The following RNF144B variants were observed in gnomAD, a reference collection of about 807,000 sequenced individuals.
The protein encoded by RNF144B is ring finger protein 144B.
Under a neutral mutation model 40.2 loss-of-function variants are expected in RNF144B, and 25 were observed. The ratio of observed to expected loss-of-function variants is 0.62; its 90% CI spans 0.45 to 0.87. The LOEUF is 0.87. Among genes scored for constraint, RNF144B ranks in the 40% least tolerant of loss-of-function variants. The probability of loss-of-function intolerance (pLI) is 0.00; values close to 1 mark genes in which losing one functional copy is unlikely to be tolerated. For synonymous variants in RNF144B, 145 were observed against 136.3 expected (o/e 1.06, Z -0.44); for missense variants, 365 against 373.7 (o/e 0.98, Z 0.19).
Position 18,465,930 on chromosome 6 carries a change from C to CAGCCAATAGATTTGGA in RNF144B, c.*864_*865insGCCAATAGATTTGGAA, listed in dbSNP as rs1307434207. On this transcript the variant is annotated 3_prime_UTR_variant, in exon 8 of 8. Transcript: ENST00000259939. Reference sequence around the variant, plus strand: ...TGGGACCTTTCTCAGGATCTGTGTTCACACAGCCAATAGATTTGGAATCAG... The same window carrying CAGCCAATAGATTTGGA: ...TGGGACCTTTCTCAGGATCTGTGTTCAGCCAATAGATTTGGAACACAGCCAATAGATTTGGAATCAG... 1 of 152,224 alleles carries CAGCCAATAGATTTGGA rather than the reference C, an allele frequency of 6.6e-6. No individual in the cohort carries two copies. Among genetic ancestry groups the CAGCCAATAGATTTGGA allele is most frequent in the Non-Finnish European group, 1.5e-5 (1 of 68,056 alleles). The allele number at this position is 152,224 out of a possible 1,614,324, so 9.4% of individuals were successfully genotyped here.
In RNF144B at chr6:18,466,524, T is replaced by C. The variant is rs1170188273; in HGVS notation, c.*1457T>C. 1 of 152,652 alleles carries C rather than the reference T, an allele frequency of 6.6e-6. No individual in the cohort carries two copies. Among genetic ancestry groups the C allele is most frequent in the Non-Finnish European group, 1.5e-5 (1 of 68,038 alleles). 9.5% of individuals were successfully genotyped at this position (152,652 alleles called of 1,614,324 possible). On this transcript the variant is annotated 3_prime_UTR_variant, in exon 8 of 8. Coordinates refer to ENST00000259939, the MANE Select transcript of RNF144B (RefSeq NM_182757.4). ...CATTAGTCAGATTTGAATAACGAGGTTTTGAAAGGATAAAACCTTTTCTCC... is the reference window on the plus strand; with the variant it reads ...CATTAGTCAGATTTGAATAACGAGGCTTTGAAAGGATAAAACCTTTTCTCC...
chr6:18,399,016 C>T (rs1430817826), intron 1 of RNF144B, among the ~76,000 whole-genome samples: 3 of 152,142 alleles, frequency 2.0e-5, no homozygotes, highest in African/African-American at 7.2e-5. Context: ...TGATGTTTTG[C>T]TCTATGTATA....
rs1045763791 is a variant in RNF144B at position 18,395,603 on chromosome 6, C to G, written c.-36-3896C>G. Among the ~76,000 whole-genome samples, 1 of 150,650 alleles carries G rather than the reference C, an allele frequency of 6.6e-6. No individual in the cohort carries two copies. The highest frequency in any genetic ancestry group is 1.5e-5 in the Non-Finnish European group (1 of 67,812). On this transcript the variant is annotated intron_variant, in intron 1 of 7. Transcript: ENST00000259939. This position sits in a 1 kb window ranked among gnomAD's most constrained non-coding sequence, Gnocchi z 4.5. ...CTTTTTTTTTTTTAAATGAAGTGCT[C>G]ACTGCATTTCATTCATTTTTTTAAC...
rs1352181956 is a variant in RNF144B at position 18,425,177 on chromosome 6, A to G, written c.166-2404A>G. ...CTAAGTCATTTTCCCATTGTCACCT[A>G]GTAAAGTGGACCCTCCACCCAGGTG... On this transcript the variant is annotated intron_variant, in intron 2 of 7. Transcript: ENST00000259939. This position sits in a 1 kb window ranked among gnomAD's most constrained non-coding sequence, Gnocchi z 4.2. 1.3e-5 allele frequency among the ~76,000 whole-genome samples: 2 copies of G among 152,188 alleles called. No homozygotes were observed. Among genetic ancestry groups the G allele is most frequent in the African/African-American group, 4.8e-5 (2 of 41,440 alleles).
chr6:18,454,155 G>C (rs552747022), intron 4 of RNF144B, among the ~76,000 whole-genome samples: 1 of 152,236 alleles, frequency 6.6e-6, no homozygotes. Context: ...GGGTTCAAAG[G>C]CAGAAAAACA....
chr6:18,434,001 G>T lies in RNF144B; in HGVS notation c.271-5683G>T, dbSNP rs1758758088. 1.3e-5 allele frequency among the ~76,000 whole-genome samples: 2 copies of T among 152,258 alleles called. No individual in the cohort carries two copies. The highest frequency in any genetic ancestry group is 4.8e-5 in the African/African-American group (2 of 41,534). On this transcript the variant is annotated intron_variant, in intron 3 of 7. Transcript: ENST00000259939. This position sits in a 1 kb window ranked among gnomAD's most constrained non-coding sequence, Gnocchi z 4.1. ...TGCCCAAACCTTGACAGGTTGTAAT[G>T]ATCCACTTACTAGTGGTCAATTCCA...
At chr6:18,435,616 A>T (rs1263557974) in intron 3 of RNF144B, among the ~76,000 whole-genome samples, 1 of 152,196 alleles carries the variant, frequency 6.6e-6, no homozygotes, top group Non-Finnish European at 1.5e-5. Flanking sequence ...CTACAAGGTA[A>T]TTGTTAATTC....
intron 3 of RNF144B, among the ~76,000 whole-genome samples, chr6:18,429,684 G>T (rs959363734): frequency 2.2e-4 from 34 of 152,164 alleles, no homozygotes; most frequent in Non-Finnish European, 1.5e-4. Flanking sequence ...GAATATTGTT[G>T]ATCTGTGTCA....
At chr6:18,407,995 T>TTG (rs1363790924) in intron 2 of RNF144B, among the ~76,000 whole-genome samples, 1 of 150,126 alleles carries the variant, frequency 6.7e-6, no homozygotes, top group Admixed American at 6.7e-5. Flanking sequence ...TTTTTTTTTT[T>TTG]TTTTTTCCAG....
intron 3 of RNF144B, among the ~76,000 whole-genome samples, chr6:18,430,486 T>TTCTC (rs5874639): frequency 6.7e-6 from 1 of 149,090 alleles, no homozygotes; most frequent in African/African-American, 2.5e-5. Flanking sequence ...GCTTCTTGCT[T>TTCTC]TCTCTCTCTC....
chr6:18,449,872 A>T (rs1371236011), intron 4 of RNF144B, among the ~76,000 whole-genome samples: 1 of 152,202 alleles, frequency 6.6e-6, no homozygotes, highest in Non-Finnish European at 1.5e-5. Context: ...AGCAATTCTA[A>T]GTTAGTAGTT....
Position 18,443,615 on chromosome 6 carries a change from G to A in RNF144B, c.331+3871G>A, listed in dbSNP as rs12206681. Among the ~76,000 whole-genome samples the A allele has an allele frequency of 0.13, 19,255 of 151,784 alleles. 1,386 individuals are homozygous for A. Among genetic ancestry groups the A allele is most frequent in the Admixed American group, 0.2 (2,972 of 15,236 alleles). Reference sequence around the variant, plus strand: ...ATCGTGTAATTCTTCATTACCATCCGTTATAATTATTATTGGAAAATGGAC... The same window carrying A: ...ATCGTGTAATTCTTCATTACCATCCATTATAATTATTATTGGAAAATGGAC... On this transcript the variant is annotated intron_variant, in intron 4 of 7. Transcript: ENST00000259939. The surrounding 1 kb of genome is among the most constrained non-coding windows in gnomAD (Gnocchi z 4.7).
At position 18,460,607 on chromosome 6, in the gene RNF144B, C is replaced by G. The variant is rs1441404174; in HGVS notation, c.681+856C>G. On this transcript the variant is annotated intron_variant, in intron 6 of 7. Transcript: ENST00000259939. This position sits in a 1 kb window ranked among gnomAD's most constrained non-coding sequence, Gnocchi z 4.4. Reference sequence around the variant, plus strand: ...CTAACTCTCTTCTCTCCCTCATGCTCTCTTGCATGCTCTCACTCGCTCTCT... The same window carrying G: ...CTAACTCTCTTCTCTCCCTCATGCTGTCTTGCATGCTCTCACTCGCTCTCT... 6.6e-6 allele frequency among the ~76,000 whole-genome samples: 1 copy of G among 152,150 alleles called. No homozygotes were observed. The highest frequency in any genetic ancestry group is 6.5e-5 in the Admixed American group (1 of 15,280).
chr6:18,413,110 T>C (rs1014322529), intron 2 of RNF144B, among the ~76,000 whole-genome samples: 2 of 152,224 alleles, frequency 1.3e-5, no homozygotes, highest in African/African-American at 2.4e-5. Flanking sequence ...GGATCTGTAA[T>C]GTTAATCCCT....
At chr6:18,396,615 T>A (rs148025450) in intron 1 of RNF144B, 13 of 985,190 alleles carry the variant, frequency 1.3e-5, no homozygotes, top group Non-Finnish European at 1.4e-5. Context: ...ATTTACTACC[T>A]ACGTTTCTTC....
rs1176524781 is a variant in RNF144B, at chr6:18,416,082, A to G, written c.166-11499A>G. Among the ~76,000 whole-genome samples the G allele has an allele frequency of 6.6e-6, 1 of 152,146 alleles. No individual in the cohort carries two copies. Among genetic ancestry groups the G allele is most frequent in the Non-Finnish European group, 1.5e-5 (1 of 68,038 alleles). ...CTGAAGGCTAATGTTTCTTTGGAGAAAGTAGAAGGATGTAAACTTGGCAAG... is the reference window on the plus strand; with the variant it reads ...CTGAAGGCTAATGTTTCTTTGGAGAGAGTAGAAGGATGTAAACTTGGCAAG... On this transcript the variant is annotated intron_variant, in intron 2 of 7. Coordinates refer to ENST00000259939, the MANE Select transcript of RNF144B (RefSeq NM_182757.4). The surrounding 1 kb of genome is among the most constrained non-coding windows in gnomAD (Gnocchi z 5.5).
At position 18,465,226 on chromosome 6, in the gene RNF144B, G is replaced by T; in HGVS notation, c.*159G>T. On this transcript the variant is annotated 3_prime_UTR_variant, in exon 8 of 8. Transcript: ENST00000259939. ...CTGCCAGCCTTCAGCATCAGGAAAG[G>T]CCAAGTCCTGGGTGTGAGTGTTCCT... 1 of 678,846 alleles carries T rather than the reference G, an allele frequency of 1.5e-6. No individual in the cohort carries two copies. The highest frequency in any genetic ancestry group is 2.7e-5 in the Admixed American group (1 of 36,402). The allele number at this position is 678,846 out of a possible 1,614,324, so 42.1% of individuals were successfully genotyped here. A position where few individuals can be genotyped will look rare whatever the true frequency, so the allele number is the denominator to read the frequency against.
rs1372205199 is a variant in RNF144B at position 18,441,270 on chromosome 6, C to G, written c.331+1526C>G. Among the ~76,000 whole-genome samples the G allele has an allele frequency of 6.6e-6, 1 of 152,126 alleles. No homozygotes were observed. The highest frequency in any genetic ancestry group is 1.5e-5 in the Non-Finnish European group (1 of 68,026). On this transcript the variant is annotated intron_variant, in intron 4 of 7. Transcript: ENST00000259939. The surrounding 1 kb of genome is among the most constrained non-coding windows in gnomAD (Gnocchi z 4.9). The stretch of plus-strand genomic sequence containing the variant: ...GAACATGGACATTCCCAGTATTCAC[C>G]CTGTGGATGCCTGGCTGGTAGCAAG...
At chr6:18,424,569 A>G (rs529681219) in intron 2 of RNF144B, among the ~76,000 whole-genome samples, 1 of 152,242 alleles carries the variant, frequency 6.6e-6, no homozygotes, top group Non-Finnish European at 1.5e-5. Context: ...AAGTTTCAAA[A>G]TTCATTTAGT....
Sources: gnomAD v4.1 joint callset for allele counts (sites outside exome capture counted in the v4.1 genomes callset) on GRCh38, gnomAD v4.1.1 for gene constraint, Gnocchi (gnomAD v3.1) non-coding constraint, MANE v1.5 for transcripts, NCBI Gene and HGNC (gene_info 2026-07-23, HGNC 2026-07-21) for gene names.